The following SAP30BP variants were observed in gnomAD, a reference collection of about 807,000 sequenced individuals.
SAP30BP encodes SAP30-binding protein.
Under a neutral mutation model 46.3 loss-of-function variants are expected in SAP30BP, and 31 were observed. The ratio of observed to expected loss-of-function variants is 0.67; its 90% CI spans 0.50 to 0.90. SAP30BP has a LOEUF of 0.90. SAP30BP is among the 40% of genes least tolerant of loss of function. SAP30BP has a pLI of 0.00. For missense variants in SAP30BP, 312 were observed against 391.0 expected (o/e 0.80, Z 1.70); for synonymous variants, 169 against 144.2 (o/e 1.17, Z -1.23).
intron 3 of SAP30BP, among the ~76,000 whole-genome samples, chr17:75,687,943 TGTGTGTGTGTGTGAGAGA>T (rs1039245131): frequency 1.0e-4 from 10 of 97,118 alleles, no homozygotes; most frequent in South Asian, 6.8e-4. Context: ...TGTGTGTGTG[TGTGTGTGTGTGTGAGAGA>T]GACAGAGAGA....
At chr17:75,687,937 TGTGTGTGTGTGTGTGTGTGAGAGA>T (rs1479920031) in intron 3 of SAP30BP, among the ~76,000 whole-genome samples, 3 of 96,004 alleles carry the variant, frequency 3.1e-5, no homozygotes, top group Non-Finnish European at 4.8e-5. Flanking sequence ...TGTGTGTGTG[TGTGTGTGTGTGTGTGTGTGAGAGA>T]GACAGAGAGA....
chr17:75,676,330 C>T (rs1052901705), intron 3 of SAP30BP, among the ~76,000 whole-genome samples: 11 of 152,190 alleles, frequency 7.2e-5, no homozygotes, highest in African/African-American at 2.7e-4. Context: ...AATGTTGACA[C>T]ATTTTGTTCT....
intron 3 of SAP30BP, among the ~76,000 whole-genome samples, chr17:75,674,419 C>T (rs534111474): frequency 3.0e-4 from 46 of 152,022 alleles, no homozygotes; most frequent in African/African-American, 8.9e-4. Flanking sequence ...CTCAGTTTCC[C>T]GAGTAGCTGG....
At chr17:75,694,883 C>T (rs1257849193) in intron 4 of SAP30BP, among the ~76,000 whole-genome samples, 1 of 152,230 alleles carries the variant, frequency 6.6e-6, no homozygotes, top group Non-Finnish European at 1.5e-5. Context: ...CCCTGTGCCA[C>T]TTTTTGGAAA....
At chr17:75,701,031 G>C (rs2060402143) in intron 5 of SAP30BP, among the ~76,000 whole-genome samples, 1 of 152,166 alleles carries the variant, frequency 6.6e-6, no homozygotes, top group Admixed American at 6.5e-5. Flanking sequence ...CCCTGGAGGA[G>C]ACAGCTTGGA....
rs1188083504 is a variant in SAP30BP at position 75,700,013 on chromosome 17, C to T, written c.396+142C>T. The T allele has an allele frequency of 1.2e-5, 7 of 608,298 alleles. No homozygotes were observed. In the East Asian group the frequency reaches 2.0e-4, roughly 17 times the overall value. 37.7% of individuals were successfully genotyped at this position (608,298 alleles called of 1,614,324 possible). On this transcript the variant is annotated intron_variant, in intron 5 of 10. Coordinates refer to ENST00000584667, the MANE Select transcript of SAP30BP (RefSeq NM_013260.8). The stretch of plus-strand genomic sequence containing the variant: ...AGAAACTGACAGGTGGGAAGGATCC[C>T]ACAGTCCACTTTACCTCCTGTTAGC...
At chr17:75,688,391 G>T (rs2060193061) in intron 3 of SAP30BP, among the ~76,000 whole-genome samples, 1 of 152,192 alleles carries the variant, frequency 6.6e-6, no homozygotes, top group African/African-American at 2.4e-5. Context: ...CTTGTAAGAT[G>T]CAAGATTACA....
At chr17:75,695,073 T>A (rs1009394709) in intron 4 of SAP30BP, among the ~76,000 whole-genome samples, 23 of 116,554 alleles carry the variant, frequency 2.0e-4, no homozygotes, top group Non-Finnish European at 7.7e-5. Flanking sequence ...ATTCCCTCCC[T>A]CAGCCTCAGG....
chr17:75,667,381 G>C lies in SAP30BP; in HGVS notation c.9G>C (p.Gly3=), dbSNP rs780231222. 2 of 1,614,226 alleles carry C rather than the reference G, an allele frequency of 1.2e-6. No individual in the cohort carries two copies. The highest frequency in any genetic ancestry group is 1.3e-5 in the African/African-American group (1 of 75,058). The change falls in exon 1 of 11, where the codon GGG becomes GGC. Residue 3 remains glycine (G), a synonymous_variant. Transcript: ENST00000584667. MA[G]KKNVLSSLAV... is the part of the protein sequence containing the mutation. ...CGGGCTGTGGGAATAAGATGGCGGG[G>C]AAGAAGAATGTTCTGTCGTCTCTCG...
intron 3 of SAP30BP, among the ~76,000 whole-genome samples, chr17:75,675,866 G>A (rs2059982421): frequency 6.6e-6 from 1 of 152,220 alleles, no homozygotes; most frequent in South Asian, 2.1e-4. Flanking sequence ...GCAGTGAGCT[G>A]TGATCTTGTC....
At chr17:75,680,909 C>G (rs990009867) in intron 3 of SAP30BP, among the ~76,000 whole-genome samples, 3 of 152,082 alleles carry the variant, frequency 2.0e-5, no homozygotes, top group African/African-American at 7.2e-5. Flanking sequence ...TAGTGTGTGC[C>G]TGTAGTCCCA....
intron 3 of SAP30BP, among the ~76,000 whole-genome samples, chr17:75,688,512 G>A (rs529079747): frequency 6.6e-6 from 1 of 152,116 alleles, no homozygotes; most frequent in East Asian, 1.9e-4. Flanking sequence ...TCCCGAAGCT[G>A]GAAAGAAAAC....
At position 75,687,152 on chromosome 17, in the gene SAP30BP, C is replaced by T. The variant is rs74875954; in HGVS notation, c.265-6288C>T. ...CTTAATTGAAGAGCTTAGCATAATA[C>T]CTAAACTTATTCCCCTAGATTGAGT... On this transcript the variant is annotated intron_variant, in intron 3 of 10. Coordinates refer to ENST00000584667, the MANE Select transcript of SAP30BP (RefSeq NM_013260.8). Among the ~76,000 whole-genome samples, 14 of 152,314 alleles carry T rather than the reference C, an allele frequency of 9.2e-5. No homozygotes were observed. The East Asian group carries it at 2.5e-3, about 27-fold the overall frequency.
rs770262344 is a variant in SAP30BP, at chr17:75,682,961, CAAA to C, written c.265-10463_265-10461del. ...CTGGTGACACGGTGAGACTTCGTCT[CAAA>C]AAAAAAAAAAAAAAAGAATTGTATG... is the stretch of plus-strand genomic sequence containing the variant. On this transcript the variant is annotated intron_variant, in intron 3 of 10. Coordinates refer to ENST00000584667, the MANE Select transcript of SAP30BP (RefSeq NM_013260.8). Among the ~76,000 whole-genome samples the C allele has an allele frequency of 8.0e-3, 513 of 64,156 alleles. 4 individuals carry two copies. Among genetic ancestry groups the C allele is most frequent in the African/African-American group, 0.028 (475 of 17,228 alleles). The allele number at this position is 64,156 out of a possible 152,430, so 42.1% of individuals were successfully genotyped here. A position where few individuals can be genotyped will look rare whatever the true frequency, so the allele number is the denominator to read the frequency against.
At chr17:75,687,955 TGAGA>T (rs10597935) in intron 3 of SAP30BP, among the ~76,000 whole-genome samples, 41,288 of 124,512 alleles carry the variant, frequency 0.33, 6,245 homozygotes, top group East Asian at 0.42. Context: ...TGTGTGTGTG[TGAGA>T]GAGACAGAGA....
chr17:75,691,941 AT>A, intron 3 of SAP30BP: 1 of 161,540 alleles, frequency 6.2e-6, no homozygotes, highest in African/African-American at 2.4e-5. Context: ...AGGGCTGCTG[AT>A]TTATGACTGC....
intron 3 of SAP30BP, among the ~76,000 whole-genome samples, chr17:75,683,057 T>TA (rs1287135372): frequency 1.3e-5 from 2 of 148,708 alleles, no homozygotes; most frequent in Non-Finnish European, 3.0e-5. Flanking sequence ...TTTATTTATT[T>TA]TTTTTGAGAC....
chr17:75,667,648 G>A (rs1284524570), intron 1 of SAP30BP, among the ~76,000 whole-genome samples, 170 bp downstream of exon 1: 4 of 152,224 alleles, frequency 2.6e-5, no homozygotes, highest in African/African-American at 4.8e-5. Flanking sequence ...GACTAAGAAT[G>A]AAGAATCTCC....
At chr17:75,704,149 G>A (rs1330790869) in intron 8 of SAP30BP, among the ~76,000 whole-genome samples, 1 of 152,204 alleles carries the variant, frequency 6.6e-6, no homozygotes, top group Non-Finnish European at 1.5e-5. Context: ...CATCTAATCT[G>A]GCCAAAGGGA....
Sources: gnomAD v4.1 joint callset for allele counts (sites outside exome capture counted in the v4.1 genomes callset) on GRCh38, gnomAD v4.1.1 for gene constraint, MANE v1.5 for transcripts, NCBI Gene and HGNC (gene_info 2026-07-23, HGNC 2026-07-21) for gene names.